NRP2: variants seen among roughly 807,000 people sequenced by gnomAD.
NRP2 encodes neuropilin 2.
NRP2 carries 52 observed loss-of-function variants against 110.4 expected under a neutral mutation model. That is an observed-to-expected ratio of 0.47 (90% CI 0.38 to 0.59). The LOEUF is 0.59. NRP2 is among the 20% of genes least tolerant of loss of function. The probability of loss-of-function intolerance (pLI) is 0.00; values close to 1 mark genes in which losing one functional copy is unlikely to be tolerated. For synonymous variants in NRP2, 508 were observed against 468.9 expected, an observed-to-expected ratio of 1.08 and a Z score of -1.08; for missense variants, 1,049 against 1,203.0, an observed-to-expected ratio of 0.87 and a Z score of 1.89.
rs150011205 is a variant in NRP2 at position 205,722,603 on chromosome 2, A to G, written c.559A>G (p.Ile187Val). 2.6e-4 allele frequency: 423 copies of G among 1,614,184 alleles called. 1 individual carries two copies. The African/African-American group carries it at 5.2e-3, about 20-fold the overall frequency. The change falls in exon 4 of 17, where the codon ATC becomes GTC. Residue 187 changes from isoleucine (I) to valine (V), a missense_variant. By Grantham distance (29) the Ile-to-Val change is conservative (BLOSUM62 3). Transcript: ENST00000357785. ...FTILAKPKME[I>V]ILQFLIFDLE... ...CATCCTGGCCAAACCCAAGATGGAG[A>G]TCATCCTGCAGTTCCTGATCTTTGA...
Position 205,683,497 on chromosome 2 carries a change from A to G in NRP2, c.73+134A>G, listed in dbSNP as rs190713523. ...ACTCAATAATTTAAAGAGAGATCCC[A>G]GCCGGCCCTTCCTACACCACCACGG... On this transcript the variant is annotated intron_variant, in intron 1 of 16. Transcript: ENST00000357785. The G allele has an allele frequency of 3.6e-3, 2,582 of 713,450 alleles. 11 individuals carry two copies. The highest frequency in any genetic ancestry group is 4.6e-3 in the Non-Finnish European group (1,809 of 397,416). The allele number at this position is 713,450 out of a possible 1,614,324, so 44.2% of individuals were successfully genotyped here.
At position 205,702,174 on chromosome 2, in the gene NRP2, T is replaced by A. The variant is rs112288525; in HGVS notation, c.251+4453T>A. On this transcript the variant is annotated intron_variant, in intron 2 of 16. Coordinates refer to ENST00000357785, the MANE Select transcript of NRP2 (RefSeq NM_003872.3). ...GTTTGGGACTATTTTCTATCAATCC[T>A]CCTGCTTTCACACATCCTGTTACGA... Among the ~76,000 whole-genome samples the A allele has an allele frequency of 9.2e-5, 14 of 152,374 alleles. 2 individuals carry two copies. The highest frequency in any genetic ancestry group is 3.1e-4 in the African/African-American group (13 of 41,592).
intron 1 of NRP2, among the ~76,000 whole-genome samples, chr2:205,683,585 TGA>T (rs939310845): frequency 6.0e-5 from 9 of 149,626 alleles, no homozygotes; most frequent in South Asian, 2.1e-4. Flanking sequence ...TGTGTGTGTG[TGA>T]GTGTGTTTTG....
At position 205,792,294 on chromosome 2, in the gene NRP2, T is replaced by C; in HGVS notation, c.2476+9T>C. ...TGAAGATGAAATTGATGGTGAGTAC[T>C]GTTATGATTTAGCAGGTAATCGTAA... is the stretch of plus-strand genomic sequence containing the variant. On this transcript the variant is annotated intron_variant, in intron 16 of 16. Transcript: ENST00000357785. 6.3e-7 allele frequency: 1 copy of C among 1,596,524 alleles called. No individual in the cohort carries two copies. Among genetic ancestry groups the C allele is most frequent in the Non-Finnish European group, 8.6e-7 (1 of 1,163,972 alleles).
chr2:205,716,076 T>C (rs1559321566), intron 2 of NRP2, 117 bp from the exon 3 acceptor site: 1 of 1,088,792 alleles, frequency 9.2e-7, no homozygotes, highest in Non-Finnish European at 1.4e-6. Context: ...CCTTCGCTTA[T>C]CCATCTGAAA....
intron 12 of NRP2, among the ~76,000 whole-genome samples, chr2:205,755,605 A>G (rs1212615466): frequency 1.9e-5 from 2 of 105,894 alleles, no homozygotes; most frequent in South Asian, 2.7e-4. Context: ...CTTCTTCTCC[A>G]TAGGGAAAAA....
At chr2:205,769,295 T>C (rs999230927) in intron 15 of NRP2, among the ~76,000 whole-genome samples, 3 of 152,174 alleles carry the variant, frequency 2.0e-5, no homozygotes, top group African/African-American at 7.2e-5. Context: ...ACAAAGGTAA[T>C]CTCATTCTTT....
chr2:205,695,069 G>A (rs899883971), intron 1 of NRP2, among the ~76,000 whole-genome samples: 38 of 152,204 alleles, frequency 2.5e-4, no homozygotes, highest in Non-Finnish European at 5.0e-4. Context: ...GGGTGTGAAT[G>A]CAAGCCAAAC....
At chr2:205,705,122 A>C (rs937886691) in intron 2 of NRP2, among the ~76,000 whole-genome samples, 1 of 152,002 alleles carries the variant, frequency 6.6e-6, no homozygotes, top group African/African-American at 2.4e-5. Context: ...CTTTGGATTA[A>C]GAGAAACTCA....
rs752127817 is a variant in NRP2 at position 205,723,916 on chromosome 2, C to T, written c.796C>T (p.Leu266=). The change falls in exon 5 of 17, where the codon CTG becomes TTG. Residue 266 remains leucine (L), a synonymous_variant. Transcript: ENST00000357785. ...GGATGGCTTCTCTGCGCGTTACTAC[C>T]TGGTCCACCAAGAGCCACTAGAGAG... ...AKDGFSARYY[L]VHQEPLENFQ... The T allele has an allele frequency of 6.2e-7, 1 of 1,614,150 alleles. No individual in the cohort carries two copies. The highest frequency in any genetic ancestry group is 1.7e-5 in the Admixed American group (1 of 60,022).
At chr2:205,746,127 A>G (rs776751058) in intron 10 of NRP2, among the ~76,000 whole-genome samples, 4 of 152,286 alleles carry the variant, frequency 2.6e-5, no homozygotes, top group Non-Finnish European at 5.9e-5. Context: ...CTCCAACCCG[A>G]GTCTCTCAAA....
Position 205,752,964 on chromosome 2 carries a change from G to A in NRP2, c.2033G>A (p.Arg678Gln), listed in dbSNP as rs147173240. The A allele has an allele frequency of 1.1e-4, 170 of 1,613,528 alleles. 2 individuals are homozygous for A. In the East Asian group the frequency reaches 1.7e-3, roughly 16 times the overall value. ...TWASSSSPND[R>Q]TFPDDRNFLR... ...GCCAGCAGCTCCAGCCCAAACGACC[G>A]GACGTTTCCAGGTAAGCCAGCTGTG... The change falls in exon 12 of 17, where the codon CGG (arginine) becomes CAG (glutamine). Residue 678 changes from arginine (R) to glutamine (Q), a missense_variant. Physicochemically the swap from Arg to Gln is conservative, Grantham distance 43. Transcript: ENST00000357785.
chr2:205,706,167 AGAGTGTCAG>A (rs1256827171), intron 2 of NRP2, among the ~76,000 whole-genome samples: 1 of 151,970 alleles, frequency 6.6e-6, no homozygotes, highest in Non-Finnish European at 1.5e-5. Flanking sequence ...GGCCAGTAAT[AGAGTGTCAG>A]CGGAAGTAAT....
At position 205,794,905 on chromosome 2, in the gene NRP2, C is replaced by T. The variant is rs2058338698; in HGVS notation, c.2628C>T (p.Ala876=). Residue 876 remains alanine, a synonymous_variant, in exon 17 of 17, where the codon GCC becomes GCT. Transcript: ENST00000357785. The part of the protein sequence containing the change: ...AMSSLGVLLG[A]TCAGLLLYCT... ...GCTCACTGGGCGTCCTCCTGGGGGC[C>T]ACCTGTGCAGGCCTCCTGCTCTACT... The T allele has an allele frequency of 1.2e-6, 2 of 1,614,206 alleles. No homozygotes were observed. Among genetic ancestry groups the T allele is most frequent in the Non-Finnish European group, 1.7e-6 (2 of 1,180,038 alleles).
At chr2:205,746,924 A>C (rs2105883085) in intron 10 of NRP2, among the ~76,000 whole-genome samples, 1 of 152,296 alleles carries the variant, frequency 6.6e-6, no homozygotes, top group Non-Finnish European at 1.5e-5. Flanking sequence ...TCACTTTTGA[A>C]TTGAAGGCAG....
At chr2:205,756,992 C>T (rs900726197) in intron 12 of NRP2, among the ~76,000 whole-genome samples, 1 of 152,150 alleles carries the variant, frequency 6.6e-6, no homozygotes, top group Non-Finnish European at 1.5e-5. Flanking sequence ...AGGAATGAGA[C>T]AAAGAAGATG....
intron 3 of NRP2, among the ~76,000 whole-genome samples, chr2:205,717,375 G>A (rs979543333): frequency 1.3e-5 from 2 of 152,168 alleles, no homozygotes; most frequent in African/African-American, 4.8e-5. Flanking sequence ...CAAGACCGGC[G>A]CCTGTTGAGT....
intron 2 of NRP2, among the ~76,000 whole-genome samples, chr2:205,710,771 G>T (rs993543752): frequency 1.3e-5 from 2 of 152,142 alleles, no homozygotes; most frequent in East Asian, 3.9e-4. Context: ...AGGTTTTAAT[G>T]TAAGGATTAA....
chr2:205,764,644 A>G (rs2057883574), intron 13 of NRP2, among the ~76,000 whole-genome samples: 1 of 152,208 alleles, frequency 6.6e-6, no homozygotes, highest in African/African-American at 2.4e-5. Flanking sequence ...CCAGCTTGCC[A>G]GAGGACATGT....
Sources: allele counts gnomAD v4.1 joint callset (sites outside exome capture counted in the v4.1 genomes callset), GRCh38; gene constraint gnomAD v4.1.1; transcripts MANE v1.5; gene names NCBI Gene and HGNC (gene_info 2026-07-23, HGNC 2026-07-21).